Variants in SOX5 observed in about 807,000 individuals in gnomAD.
SOX5 encodes transcription factor SOX-5.
A neutral mutation model predicts 92.0 loss-of-function variants in SOX5; 9 were observed. The observed-to-expected ratio is 0.10, with a 90% CI of 0.06 to 0.17. The LOEUF is 0.17. Among genes scored for constraint, SOX5 ranks in the 10% least tolerant of loss-of-function variants. The pLI is 1.00. For missense variants in SOX5, 642 were observed against 944.5 expected (o/e 0.68, Z 4.20); for synonymous variants, 344 against 336.3 (o/e 1.02, Z -0.25).
At chr12:24,442,157 T>C (rs1013108191) in intron 1 of SOX5, among the ~76,000 whole-genome samples, 2 of 152,218 alleles carry the variant, frequency 1.3e-5, no homozygotes, top group African/African-American at 4.8e-5. Flanking sequence ...TGTGAACTTC[T>C]GAGATTTGTA....
intron 2 of SOX5, among the ~76,000 whole-genome samples, chr12:24,318,668 A>C (rs899916845): frequency 2.0e-5 from 3 of 152,176 alleles, no homozygotes; most frequent in Non-Finnish European, 2.9e-5. Context: ...TAAAATGAAA[A>C]TAATAATGGT....
At chr12:24,250,482 C>G (rs1018101608) in intron 3 of SOX5, among the ~76,000 whole-genome samples, 2 of 152,154 alleles carry the variant, frequency 1.3e-5, no homozygotes, top group African/African-American at 4.8e-5. Context: ...GAGAAAATGA[C>G]ACTGCAGTTG....
At chr12:24,482,146 CAGG>C (rs1180791782) in intron 1 of SOX5, among the ~76,000 whole-genome samples, 1 of 152,172 alleles carries the variant, frequency 6.6e-6, no homozygotes, top group Non-Finnish European at 1.5e-5. Flanking sequence ...CTTAAGGCAA[CAGG>C]AGAAGTAGCT....
chr12:24,231,230 T>C (rs190733544), intron 3 of SOX5, among the ~76,000 whole-genome samples: 5 of 152,330 alleles, frequency 3.3e-5, no homozygotes, highest in East Asian at 1.9e-4. Context: ...ATTAGAATTA[T>C]TTTATTTTTA....
intron 4 of SOX5, among the ~76,000 whole-genome samples, chr12:24,025,522 G>C (rs1011817275): frequency 1.3e-5 from 2 of 151,946 alleles, no homozygotes; most frequent in Admixed American, 1.3e-4. Context: ...TTTAGATACA[G>C]AGAACAGTGA....
At chr12:24,542,112 C>T (rs187616449) in intron 1 of SOX5, among the ~76,000 whole-genome samples, 13 of 152,282 alleles carry the variant, frequency 8.5e-5, no homozygotes, top group African/African-American at 2.9e-4. Flanking sequence ...CTTAAGAGGA[C>T]CTACAAGATT....
At chr12:23,752,342 C>G (rs2094206380) in intron 4 of SOX5, among the ~76,000 whole-genome samples, 1 of 151,826 alleles carries the variant, frequency 6.6e-6, no homozygotes, top group African/African-American at 2.4e-5. Context: ...GCCAGAGAAC[C>G]TCCCGTACAC....
At chr12:23,624,027 C>T (rs1214020122) in intron 8 of SOX5, among the ~76,000 whole-genome samples, 1 of 152,030 alleles carries the variant, frequency 6.6e-6, no homozygotes, top group African/African-American at 2.4e-5. Flanking sequence ...GGAATTCTAA[C>T]ACATGCTACA....
chr12:23,720,954 G>A (rs2092781550), intron 6 of SOX5, among the ~76,000 whole-genome samples: 1 of 152,124 alleles, frequency 6.6e-6, no homozygotes. Context: ...CAGGGTCTAT[G>A]CCTAATTAGT....
rs188942189 is a variant in SOX5 at position 23,640,589 on chromosome 12, G to A, written c.1017+223C>T. 1.2e-4 allele frequency among the ~76,000 whole-genome samples: 18 copies of A among 152,080 alleles called. 1 individual carries two copies. The highest frequency in any genetic ancestry group is 1.0e-3 in the Admixed American group (16 of 15,270). On this transcript the variant is annotated intron_variant, in intron 8 of 14. Transcript: ENST00000451604. The stretch of plus-strand genomic sequence containing the variant: ...TACAGCTCACTTTCTTAATAATACC[G>A]GCAAGAAAAGAAATACGATAAGCTA...
chr12:23,915,523 T>G (rs2097404346), intron 1 of SOX5, among the ~76,000 whole-genome samples: 1 of 152,192 alleles, frequency 6.6e-6, no homozygotes, highest in Non-Finnish European at 1.5e-5. Context: ...CAACTGGCTC[T>G]GAAGCATCCT....
rs549711208 is a variant in SOX5 at position 24,250,924 on chromosome 12, C to T, written c.-77+26292G>A. ...CTGGCTCTCATACTGAAGCTCCCTC[C>T]CATGCAGAATGTGAAAAATCAGATT... On this transcript the variant is annotated intron_variant, in intron 3 of 4. Coordinates refer to the SOX5 transcript ENST00000446891. 4.6e-5 allele frequency among the ~76,000 whole-genome samples: 7 copies of T among 152,296 alleles called. No individual in the cohort carries two copies. The South Asian group carries it at 1.5e-3, about 32-fold the overall frequency.
At chr12:24,030,418 G>A (rs1955368527) in intron 4 of SOX5, among the ~76,000 whole-genome samples, 1 of 151,826 alleles carries the variant, frequency 6.6e-6, no homozygotes, top group Admixed American at 6.6e-5. Flanking sequence ...ACTTTTGACA[G>A]AAGTGCCAAA....
At chr12:23,908,098 C>G (rs954796187) in intron 1 of SOX5, among the ~76,000 whole-genome samples, 3 of 152,076 alleles carry the variant, frequency 2.0e-5, no homozygotes, top group Admixed American at 2.0e-4. Context: ...TTAGCATGGT[C>G]TACGTCTTGA....
chr12:24,036,337 T>C (rs1022716129), intron 4 of SOX5, among the ~76,000 whole-genome samples: 2 of 152,116 alleles, frequency 1.3e-5, no homozygotes, highest in African/African-American at 4.8e-5. Flanking sequence ...ATTAATGCCA[T>C]TAAACATTCC....
intron 1 of SOX5, among the ~76,000 whole-genome samples, chr12:24,426,116 C>T (rs957953371): frequency 1.3e-5 from 2 of 152,136 alleles, no homozygotes; most frequent in South Asian, 2.1e-4. Context: ...GGGTGGATCA[C>T]TTGAGGTCAG....
At chr12:24,497,000 A>G (rs914153939) in intron 1 of SOX5, among the ~76,000 whole-genome samples, 1 of 152,214 alleles carries the variant, frequency 6.6e-6, no homozygotes, top group African/African-American at 2.4e-5. Flanking sequence ...GTACAGGAGG[A>G]ATTTGTTAGA....
chr12:23,884,375 T>A (rs1375828073), intron 2 of SOX5, among the ~76,000 whole-genome samples: 1 of 152,334 alleles, frequency 6.6e-6, no homozygotes, highest in Non-Finnish European at 1.5e-5. Flanking sequence ...CACAAATTAA[T>A]ATATTAATAC....
At chr12:23,691,059 T>C (rs1344573608) in intron 6 of SOX5, among the ~76,000 whole-genome samples, 4 of 151,842 alleles carry the variant, frequency 2.6e-5, no homozygotes, top group African/African-American at 9.7e-5. Context: ...CAAGAGAGAG[T>C]TGGTGAAAGG....
Sources: allele counts gnomAD v4.1 joint callset (sites outside exome capture counted in the v4.1 genomes callset), GRCh38; gene constraint gnomAD v4.1.1; transcripts MANE v1.5; gene names NCBI Gene and HGNC (gene_info 2026-07-23, HGNC 2026-07-21).